GRM5: variants seen among roughly 807,000 people sequenced by gnomAD.
GRM5 encodes the protein metabotropic glutamate receptor 5.
GRM5 carries 19 observed loss-of-function variants against 83.1 expected under a neutral mutation model. The ratio of observed to expected loss-of-function variants is 0.23; its 90% CI spans 0.16 to 0.34. The LOEUF (loss-of-function observed/expected upper bound fraction) is 0.34, where lower values mean the gene tolerates loss of function less well. GRM5 is among the 10% of genes least tolerant of loss of function. The pLI is 1.00. For synonymous variants in GRM5, 675 were observed against 633.6 expected (o/e 1.07, Z -0.98); for missense variants, 1,160 against 1,588.3 (o/e 0.73, Z 4.58).
At chr11:88,780,375 G>A (rs1942950892) in intron 3 of GRM5, among the ~76,000 whole-genome samples, 1 of 152,122 alleles carries the variant, frequency 6.6e-6, no homozygotes, top group South Asian at 2.1e-4. Flanking sequence ...ATAGATGGTT[G>A]AGAACATGAG....
chr11:88,591,349 G>A (rs1937636366), intron 6 of GRM5, among the ~76,000 whole-genome samples: 1 of 152,086 alleles, frequency 6.6e-6, no homozygotes, highest in African/African-American at 2.4e-5. Flanking sequence ...TTGTTTGAAG[G>A]TAGATGAGGT....
At chr11:88,581,145 T>C (rs999233402) in intron 7 of GRM5, among the ~76,000 whole-genome samples, 3 of 152,062 alleles carry the variant, frequency 2.0e-5, no homozygotes, top group Non-Finnish European at 4.4e-5. Context: ...AATAAATAAA[T>C]AAACACAGGT....
chr11:88,622,977 A>G (rs1298037096), intron 4 of GRM5, among the ~76,000 whole-genome samples: 1 of 152,238 alleles, frequency 6.6e-6, no homozygotes, highest in African/African-American at 2.4e-5. Flanking sequence ...TGATGGGAGC[A>G]TAAAATGAGA....
rs1944359370 is a variant in GRM5, at chr11:88,849,841, G to A, written c.911+65C>T. 3 of 1,458,544 alleles carry A rather than the reference G, an allele frequency of 2.1e-6. 1 individual carries two copies. Among genetic ancestry groups the A allele is most frequent in the South Asian group, 2.4e-5 (2 of 84,874 alleles). The allele number at this position is 1,458,544 out of a possible 1,614,324, so 90.4% of individuals were successfully genotyped here. ...AAGAATTTTTTATCATACACTAAAA[G>A]CTACCCTTCAGTGCTGCCAAATTCC... On this transcript the variant is annotated intron_variant, in intron 3 of 9. Coordinates refer to ENST00000305447, the MANE Select transcript of GRM5 (RefSeq NM_001143831.3).
chr11:88,524,923 T>C (rs1941829074), intron 9 of GRM5, among the ~76,000 whole-genome samples: 1 of 152,190 alleles, frequency 6.6e-6, no homozygotes, highest in Non-Finnish European at 1.5e-5. Flanking sequence ...TTAAAACCAG[T>C]TCTAAGCTTT....
chr11:88,556,115 G>C (rs1246789109), intron 8 of GRM5, among the ~76,000 whole-genome samples: 1 of 152,076 alleles, frequency 6.6e-6, no homozygotes, highest in African/African-American at 2.4e-5. Flanking sequence ...GGATCCCCAG[G>C]ATAGAGCAAT....
chr11:88,902,162 TTTTG>T (rs1402286280), intron 2 of GRM5, among the ~76,000 whole-genome samples: 1 of 152,012 alleles, frequency 6.6e-6, no homozygotes, highest in African/African-American at 2.4e-5. Context: ...TTTGTTTTTT[TTTTG>T]TTTGTTTGTT....
At chr11:88,751,054 C>A (rs1499187) in intron 3 of GRM5, among the ~76,000 whole-genome samples, 6,118 of 106,844 alleles carry the variant, frequency 0.057, 309 homozygotes, top group East Asian at 0.19. Flanking sequence ...GGAAACAAAC[C>A]CCAAAGATAG....
At chr11:88,782,246 A>T (rs1341565840) in intron 3 of GRM5, among the ~76,000 whole-genome samples, 1 of 152,140 alleles carries the variant, frequency 6.6e-6, no homozygotes, top group Non-Finnish European at 1.5e-5. Flanking sequence ...GCTGATAAAG[A>T]TGTACTTGAG....
At chr11:88,776,685 C>T in intron 3 of GRM5, among the ~76,000 whole-genome samples, 1 of 152,098 alleles carries the variant, frequency 6.6e-6, no homozygotes, top group East Asian at 1.9e-4. Context: ...TTTTATTTCT[C>T]CTTCACTTAT....
At chr11:88,780,625 T>C (rs1256224440) in intron 3 of GRM5, among the ~76,000 whole-genome samples, 1 of 152,154 alleles carries the variant, frequency 6.6e-6, no homozygotes, top group Non-Finnish European at 1.5e-5. Flanking sequence ...AAACAAAATG[T>C]CCATGAAAGT....
chr11:88,636,498 C>A (rs1004788274), intron 4 of GRM5, among the ~76,000 whole-genome samples: 1 of 151,790 alleles, frequency 6.6e-6, no homozygotes, highest in African/African-American at 2.4e-5. Flanking sequence ...TGCACTACAG[C>A]CTGGGTGACA....
intron 7 of GRM5, among the ~76,000 whole-genome samples, chr11:88,575,332 G>A: frequency 6.6e-6 from 1 of 152,098 alleles, no homozygotes; most frequent in East Asian, 1.9e-4. Context: ...CTATTTTTCA[G>A]AGGGGGCAGT....
intron 3 of GRM5, among the ~76,000 whole-genome samples, chr11:88,656,674 A>G (rs1486629973): frequency 6.6e-6 from 1 of 152,152 alleles, no homozygotes; most frequent in African/African-American, 2.4e-5. Flanking sequence ...AGTGTTTCTA[A>G]GCACAAGATG....
chr11:88,890,731 G>A (rs1053407776), intron 2 of GRM5, among the ~76,000 whole-genome samples: 2 of 152,086 alleles, frequency 1.3e-5, no homozygotes, highest in Admixed American at 6.6e-5. Context: ...TTAGATGCTA[G>A]AAAGAGTCAG....
intron 3 of GRM5, among the ~76,000 whole-genome samples, chr11:88,801,185 A>G (rs12417539): frequency 0.053 from 8,122 of 152,152 alleles, 404 homozygotes; most frequent in Admixed American, 0.16. Flanking sequence ...TTTCTCCTAA[A>G]ATGTATAAAT....
intron 3 of GRM5, among the ~76,000 whole-genome samples, chr11:88,665,765 A>G (rs1347988136): frequency 6.6e-6 from 1 of 151,458 alleles, no homozygotes; most frequent in South Asian, 2.1e-4. Context: ...CTCTGAAGAC[A>G]ACTAGAAAGG....
chr11:88,569,011 G>C (rs2135174537), intron 7 of GRM5, among the ~76,000 whole-genome samples: 1 of 152,180 alleles, frequency 6.6e-6, no homozygotes, highest in South Asian at 2.1e-4. Context: ...AGCATCATTT[G>C]GATTATCTGT....
intron 3 of GRM5, among the ~76,000 whole-genome samples, chr11:88,842,117 T>A (rs1370438465): frequency 1.3e-5 from 2 of 152,202 alleles, no homozygotes; most frequent in Non-Finnish European, 2.9e-5. Context: ...TAACTTCTTA[T>A]AATAGATTGG....
Sources: allele counts gnomAD v4.1 joint callset (sites outside exome capture counted in the v4.1 genomes callset), GRCh38; gene constraint gnomAD v4.1.1; transcripts MANE v1.5; gene names NCBI Gene and HGNC (gene_info 2026-07-23, HGNC 2026-07-21).